SULF2: variants seen among roughly 807,000 people sequenced by gnomAD.
SULF2 encodes the protein extracellular sulfatase Sulf-2.
Under a neutral mutation model 107.7 loss-of-function variants are expected in SULF2, and 52 were observed. The ratio of observed to expected loss-of-function variants is 0.48; its 90% confidence interval spans 0.39 to 0.61. The LOEUF is 0.61. SULF2 is among the 20% of genes least tolerant of loss of function. SULF2 has a pLI of 0.00. For missense variants in SULF2, 993 were observed against 1,177.3 expected (o/e 0.84, Z 2.29); for synonymous variants, 460 against 464.3 (o/e 0.99, Z 0.12).
chr20:47,717,877 G>A (rs1178989967), intron 3 of SULF2, among the ~76,000 whole-genome samples: 2 of 149,898 alleles, frequency 1.3e-5, no homozygotes, highest in African/African-American at 4.9e-5. Flanking sequence ...TCAGTGCTGC[G>A]ATCTCGGCTC....
chr20:47,780,015 CTT>C (rs74178766), intron 1 of SULF2, among the ~76,000 whole-genome samples: 14 of 120,474 alleles, frequency 1.2e-4, no homozygotes, highest in Non-Finnish European at 1.5e-4. Context: ...CCCTAGTTGA[CTT>C]TTTTTTTTTT....
rs143737899 is a variant in SULF2, at chr20:47,777,340, ACT to A, written c.-101+8001_-101+8002del. 8.5e-3 allele frequency among the ~76,000 whole-genome samples: 1,288 copies of A among 152,168 alleles called. 19 individuals are homozygous for A. Among genetic ancestry groups the A allele is most frequent in the African/African-American group, 0.03 (1,239 of 41,498 alleles). On this transcript the variant is annotated intron_variant, in intron 1 of 20. Transcript: ENST00000688720. Reference sequence around the variant, plus strand: ...GTGGGAGTGTTCTGGCAAGGATTTTACTCTCTGATTAAAAGAGAGACAGCAAG... The same window carrying A: ...GTGGGAGTGTTCTGGCAAGGATTTTACTCTGATTAAAAGAGAGACAGCAAG...
chr20:47,666,903 T>A lies in SULF2; in HGVS notation c.1577-415A>T, dbSNP rs1026582550. ...CACAAAGCGGGCTCGTATTGTTACATTCTATTTATAGGAACTACCCAGAAT... is the reference window on the plus strand; with the variant it reads ...CACAAAGCGGGCTCGTATTGTTACAATCTATTTATAGGAACTACCCAGAAT... On this transcript the variant is annotated intron_variant, in intron 11 of 20. Coordinates refer to ENST00000688720, the MANE Select transcript of SULF2 (RefSeq NM_001387048.1). The surrounding 1 kb of genome is among the most constrained non-coding windows in gnomAD (Gnocchi z 5.4). 9.2e-5 allele frequency among the ~76,000 whole-genome samples: 14 copies of A among 152,182 alleles called. No homozygotes were observed. Among genetic ancestry groups the A allele is most frequent in the African/African-American group, 3.4e-4 (14 of 41,454 alleles).
At position 47,666,162 on chromosome 20, in the gene SULF2, C is replaced by A. The variant is rs922123599; in HGVS notation, c.1805+98G>T. The A allele has an allele frequency of 1.9e-6, 3 of 1,609,800 alleles. No individual in the cohort carries two copies. The highest frequency in any genetic ancestry group is 2.5e-6 in the Non-Finnish European group (3 of 1,179,166). On this transcript the variant is annotated intron_variant, in intron 12 of 20. Coordinates refer to ENST00000688720, the MANE Select transcript of SULF2 (RefSeq NM_001387048.1). The surrounding 1 kb of genome is among the most constrained non-coding windows in gnomAD (Gnocchi z 5.4). ...CAGTGCCACTGAAGTCCCCACCATC[C>A]TTGTCATCTTGGTCCTCAGGGGCCC...
In SULF2 at chr20:47,672,372, C is replaced by T. The variant is rs200225876; in HGVS notation, c.1402G>A (p.Ala468Thr). Residue 468 changes from alanine to threonine, a missense_variant, in exon 11 of 21, where the codon GCC becomes ACC. Transcript: ENST00000688720. ...LGQKWQCVED[A>T]TGKLKLHKCK... ...TTATGCAGCTTCAGCTTCCCCGTGG[C>T]GTCCTCCACACACTGCCACTTCTGA... 3.2e-4 allele frequency: 518 copies of T among 1,611,140 alleles called. 3 individuals carry two copies. The highest frequency in any genetic ancestry group is 8.1e-5 in the Non-Finnish European group (96 of 1,179,238).
At chr20:47,752,850 C>G (rs893142748) in intron 2 of SULF2, among the ~76,000 whole-genome samples, 2 of 152,036 alleles carry the variant, frequency 1.3e-5, no homozygotes, top group African/African-American at 4.8e-5. Context: ...GCCTGCGATC[C>G]CAGCATTTTG....
chr20:47,672,048 G>A, intron 11 of SULF2, 150 bp downstream of exon 11: 1 of 733,354 alleles, frequency 1.4e-6, no homozygotes, highest in Non-Finnish European at 2.2e-6. Context: ...TAGAATGGGT[G>A]GCTCGTGAGG....
chr20:47,776,571 G>C (rs1434187132), intron 1 of SULF2, among the ~76,000 whole-genome samples: 1 of 152,174 alleles, frequency 6.6e-6, no homozygotes, highest in Non-Finnish European at 1.5e-5. Context: ...CTTTCAGGAA[G>C]GGACAATTTA....
Position 47,680,217 on chromosome 20 carries a change from G to A in SULF2, c.1065-1413C>T, listed in dbSNP as rs1008407918. Among the ~76,000 whole-genome samples, 1 of 152,214 alleles carries A rather than the reference G, an allele frequency of 6.6e-6. No homozygotes were observed. The highest frequency in any genetic ancestry group is 1.5e-5 in the Non-Finnish European group (1 of 68,040). On this transcript the variant is annotated intron_variant, in intron 7 of 20. Transcript: ENST00000688720. This position sits in a 1 kb window ranked among gnomAD's most constrained non-coding sequence, Gnocchi z 4.2. ...CCTCCTGGGTTCAAGCGATTCTCATGCCTCAGCCTCCCGAGTAGCTGGGAT... is the reference window on the plus strand; with the variant it reads ...CCTCCTGGGTTCAAGCGATTCTCATACCTCAGCCTCCCGAGTAGCTGGGAT...
rs577870686 is a variant in SULF2, at chr20:47,659,576, C to T, written c.2528+121G>A. On this transcript the variant is annotated intron_variant, in intron 19 of 20. Transcript: ENST00000688720. Reference sequence around the variant, plus strand: ...TATCTTTGGTGGGTGATCCTGGTCTCGGGCAGACCAGAGGGAAGGGCAGTT... The same window carrying T: ...TATCTTTGGTGGGTGATCCTGGTCTTGGGCAGACCAGAGGGAAGGGCAGTT... 1.0e-5 allele frequency: 14 copies of T among 1,356,432 alleles called. No individual in the cohort carries two copies. In the East Asian group the frequency reaches 1.8e-4, roughly 18 times the overall value. The allele number at this position is 1,356,432 out of a possible 1,614,324, so 84.0% of individuals were successfully genotyped here. A position where few individuals can be genotyped will look rare whatever the true frequency, so the allele number is the denominator to read the frequency against.
chr20:47,773,555 G>A (rs1395485135), intron 1 of SULF2, among the ~76,000 whole-genome samples: 1 of 152,244 alleles, frequency 6.6e-6, no homozygotes, highest in African/African-American at 2.4e-5. Flanking sequence ...TTCTGGGCAG[G>A]CCACACCCGC....
intron 1 of SULF2, among the ~76,000 whole-genome samples, chr20:47,761,070 C>T (rs2090407858): frequency 6.6e-6 from 1 of 152,210 alleles, no homozygotes; most frequent in African/African-American, 2.4e-5. Context: ...GGGACTAGAG[C>T]CTGGCCATAG....
At chr20:47,737,987 G>A (rs1275348029) in intron 2 of SULF2, among the ~76,000 whole-genome samples, 1 of 151,712 alleles carries the variant, frequency 6.6e-6, no homozygotes, top group Non-Finnish European at 1.5e-5. Context: ...CAAGTGATCC[G>A]CCTGCCTCTG....
chr20:47,783,657 C>A (rs943169532), intron 1 of SULF2, among the ~76,000 whole-genome samples: 3 of 152,196 alleles, frequency 2.0e-5, no homozygotes, highest in African/African-American at 7.2e-5. Context: ...AAGAAGTACA[C>A]ACAAAGCCCA....
intron 3 of SULF2, among the ~76,000 whole-genome samples, chr20:47,714,204 C>T (rs2146660493): frequency 6.6e-6 from 1 of 152,354 alleles, no homozygotes; most frequent in African/African-American, 2.4e-5. Flanking sequence ...CATCTCAATT[C>T]CAGTTGTCCG....
intron 2 of SULF2, among the ~76,000 whole-genome samples, chr20:47,752,469 C>G (rs1215014944): frequency 6.6e-6 from 1 of 151,708 alleles, no homozygotes; most frequent in Non-Finnish European, 1.5e-5. Context: ...GCGGCTCGCA[C>G]CTGCAATTCC....
chr20:47,736,651 C>T (rs1247475437), intron 3 of SULF2, 52 bp downstream of exon 3: 29 of 1,606,480 alleles, frequency 1.8e-5, no homozygotes, highest in East Asian at 6.7e-5. Flanking sequence ...CACCTAGGGA[C>T]GCCCGCCCTG....
chr20:47,770,923 G>A (rs570460012), intron 1 of SULF2, among the ~76,000 whole-genome samples: 6 of 152,332 alleles, frequency 3.9e-5, no homozygotes, highest in Admixed American at 3.9e-4. Flanking sequence ...GTCCCATGGT[G>A]TTCCTTCCAC....
intron 18 of SULF2, among the ~76,000 whole-genome samples, 183 bp from the exon 19 acceptor site, chr20:47,659,913 C>G (rs1305231874): frequency 6.6e-6 from 1 of 152,196 alleles, no homozygotes; most frequent in Non-Finnish European, 1.5e-5. Flanking sequence ...TGCCCTAAGT[C>G]TCCTAGATAG....
Sources: gnomAD v4.1 joint callset for allele counts (sites outside exome capture counted in the v4.1 genomes callset) on GRCh38, gnomAD v4.1.1 for gene constraint, Gnocchi (gnomAD v3.1) non-coding constraint, MANE v1.5 for transcripts, NCBI Gene and HGNC (gene_info 2026-07-23, HGNC 2026-07-21) for gene names.